Variants in BMAL1 observed in about 807,000 individuals in gnomAD.
The protein encoded by BMAL1 is basic helix-loop-helix ARNT-like protein 1.
At chr11:13,337,983 C>A in the BMAL1 span, among the ~76,000 whole-genome samples, 48 of 152,202 alleles carry the variant, frequency 3.2e-4, no homozygotes, top group South Asian at 9.8e-3. Flanking sequence ...CGAAACAACA[C>A]TGACTAGCAT....
At chr11:13,338,760 T>C in the BMAL1 span, among the ~76,000 whole-genome samples, 1 of 152,204 alleles carries the variant, frequency 6.6e-6, no homozygotes, top group African/African-American at 2.4e-5. Flanking sequence ...TGAGCCTCAG[T>C]GTCATCTTCT....
At chr11:13,333,906 C>T in the BMAL1 span, among the ~76,000 whole-genome samples, 1 of 152,174 alleles carries the variant, frequency 6.6e-6, no homozygotes, top group Non-Finnish European at 1.5e-5. Context: ...TTTCCCTCTC[C>T]ACCCACTCTA....
At chr11:13,383,252 G>T in the BMAL1 span, among the ~76,000 whole-genome samples, 5 of 152,094 alleles carry the variant, frequency 3.3e-5, no homozygotes, top group Admixed American at 1.3e-4. Context: ...GAAGCACTAA[G>T]GAAAATTCAG....
chr11:13,293,900 T>A, the BMAL1 span, among the ~76,000 whole-genome samples: 2 of 152,252 alleles, frequency 1.3e-5, no homozygotes, highest in African/African-American at 4.8e-5. Flanking sequence ...AAAACTTGAT[T>A]TCTTGCTTGA....
chr11:13,335,737 A>G, the BMAL1 span, among the ~76,000 whole-genome samples: 1 of 152,200 alleles, frequency 6.6e-6, no homozygotes, highest in Non-Finnish European at 1.5e-5. Flanking sequence ...AGATTTACCT[A>G]TTTGTTATGA....
At chr11:13,327,365 T>C in the BMAL1 span, among the ~76,000 whole-genome samples, 1 of 152,216 alleles carries the variant, frequency 6.6e-6, no homozygotes, top group Admixed American at 6.5e-5. Flanking sequence ...GATGCTGTTA[T>C]CATCATCATC....
At chr11:13,364,990 C>CAA in the BMAL1 span, among the ~76,000 whole-genome samples, 2 of 151,924 alleles carry the variant, frequency 1.3e-5, no homozygotes, top group African/African-American at 4.8e-5. Context: ...AAAACAAAAA[C>CAA]AAAAAACACT....
At chr11:13,378,667 T>A in the BMAL1 span, 1 of 553,970 alleles carries the variant, frequency 1.8e-6, no homozygotes, top group Non-Finnish European at 3.0e-6. Flanking sequence ...AACAAAGAAT[T>A]ATCCAATCCA....
At chr11:13,357,957 T>TA in the BMAL1 span, among the ~76,000 whole-genome samples, 2 of 152,186 alleles carry the variant, frequency 1.3e-5, no homozygotes, top group Non-Finnish European at 2.9e-5. This position sits in a 1 kb window ranked among gnomAD's most constrained non-coding sequence, Gnocchi z 4.8. Context: ...CTGGGTGCCC[T>TA]AGTCAGTGAG....
At chr11:13,375,580 C>T in the BMAL1 span, 3 of 1,525,356 alleles carry the variant, frequency 2.0e-6, no homozygotes, top group Non-Finnish European at 2.6e-6. Context: ...TCTGAGAAAA[C>T]AACAATGTCC....
At chr11:13,379,604 T>C in the BMAL1 span, 1 of 152,172 alleles carries the variant, frequency 6.6e-6, no homozygotes, top group Non-Finnish European at 1.5e-5. Flanking sequence ...TTTAAAATCT[T>C]TTATAAGTCT....
chr11:13,369,907 T>A, the BMAL1 span: 2 of 1,090,428 alleles, frequency 1.8e-6, no homozygotes, highest in Non-Finnish European at 2.6e-6. Context: ...GACCCTGCAG[T>A]CCTCCCTATG....
the BMAL1 span, among the ~76,000 whole-genome samples, chr11:13,377,188 C>G: frequency 6.6e-6 from 1 of 152,160 alleles, no homozygotes; most frequent in African/African-American, 2.4e-5. Context: ...TTCCTGGGAC[C>G]ATCCCCACAT....
chr11:13,373,885 C>T, the BMAL1 span, among the ~76,000 whole-genome samples: 2 of 152,042 alleles, frequency 1.3e-5, no homozygotes, highest in Admixed American at 6.6e-5. Context: ...GCTCTGTTTC[C>T]CTCTATTTTT....
chr11:13,318,240 A>G, the BMAL1 span, among the ~76,000 whole-genome samples: 1 of 152,188 alleles, frequency 6.6e-6, no homozygotes, highest in South Asian at 2.1e-4. Context: ...TCCACTAGCA[A>G]CTGTGACCAT....
chr11:13,371,880 T>C, the BMAL1 span, among the ~76,000 whole-genome samples: 3 of 152,170 alleles, frequency 2.0e-5, no homozygotes, highest in African/African-American at 7.2e-5. Flanking sequence ...TACTGGTTTT[T>C]TGGGGGAGCC....
the BMAL1 span, among the ~76,000 whole-genome samples, chr11:13,323,622 T>A: frequency 1.3e-5 from 2 of 152,314 alleles, no homozygotes; most frequent in Non-Finnish European, 2.9e-5. Context: ...GTTTTAAAAA[T>A]TATTTATTTA....
At chr11:13,354,733 C>G in the BMAL1 span, 1 of 352,326 alleles carries the variant, frequency 2.8e-6, no homozygotes, top group African/African-American at 2.1e-5. Context: ...TCTTTTACCC[C>G]TTTCTTCGTC....
the BMAL1 span, among the ~76,000 whole-genome samples, chr11:13,284,192 A>ATATG: frequency 1.7e-5 from 1 of 59,628 alleles, no homozygotes; most frequent in African/African-American, 1.2e-4. Flanking sequence ...ATATATATAT[A>ATATG]TGTGTGTATA....
Sources: allele counts gnomAD v4.1 joint callset (sites outside exome capture counted in the v4.1 genomes callset), GRCh38; gene constraint gnomAD v4.1.1; non-coding constraint Gnocchi (gnomAD v3.1); transcripts MANE v1.5; gene names NCBI Gene and HGNC (gene_info 2026-07-23, HGNC 2026-07-21).